GTF2E2: variants seen among roughly 807,000 people sequenced by gnomAD.
GTF2E2 encodes the protein transcription initiation factor IIE subunit beta.
GTF2E2 carries 21 observed loss-of-function variants against 40.5 expected under a neutral mutation model. The observed-to-expected ratio is 0.52, with a 90% confidence interval of 0.37 to 0.75. GTF2E2 has a LOEUF of 0.75. GTF2E2 is among the 30% of genes least tolerant of loss of function. GTF2E2 has a pLI of 0.00. For synonymous variants in GTF2E2, 117 were observed against 121.6 expected (o/e 0.96, Z 0.25); for missense variants, 298 against 338.4 (o/e 0.88, Z 0.94).
At chr8:30,620,462 GA>G (rs1459968676) in intron 3 of GTF2E2, among the ~76,000 whole-genome samples, 1 of 152,008 alleles carries the variant, frequency 6.6e-6, no homozygotes, top group Non-Finnish European at 1.5e-5. Context: ...CTTTCAGTCA[GA>G]AAAAGAGCTT....
At chr8:30,626,355 C>T (rs947825111) in intron 3 of GTF2E2, among the ~76,000 whole-genome samples, 2 of 152,100 alleles carry the variant, frequency 1.3e-5, no homozygotes, top group African/African-American at 4.8e-5. Context: ...CGTGGTGGCA[C>T]ACGCCTGTAG....
chr8:30,591,921 A>AT (rs879562381), intron 6 of GTF2E2, among the ~76,000 whole-genome samples: 1,761 of 149,020 alleles, frequency 0.012, 34 homozygotes, highest in African/African-American at 0.039. Context: ...ATACAATAGA[A>AT]TTTTTTTTTT....
At chr8:30,617,908 C>T (rs571199083) in intron 3 of GTF2E2, among the ~76,000 whole-genome samples, 14 of 152,292 alleles carry the variant, frequency 9.2e-5, no homozygotes, top group African/African-American at 2.2e-4. Context: ...TGGTCTCCTA[C>T]GTGGGGTGTA....
intron 3 of GTF2E2, among the ~76,000 whole-genome samples, chr8:30,623,933 T>A (rs1394894546): frequency 6.6e-6 from 1 of 151,862 alleles, no homozygotes; most frequent in African/African-American, 2.4e-5. Context: ...ATGAGTAGAT[T>A]GGAAAAATTT....
Position 30,578,918 on chromosome 8 carries a change from T to TC in GTF2E2, c.*2dup. 1 of 1,405,708 alleles carries TC rather than the reference T, an allele frequency of 7.1e-7. No individual in the cohort carries two copies. The highest frequency in any genetic ancestry group is 1.0e-6 in the Non-Finnish European group (1 of 989,586). 87.1% of individuals were successfully genotyped at this position (1,405,708 alleles called of 1,614,324 possible). A position where few individuals can be genotyped will look rare whatever the true frequency, so the allele number is the denominator to read the frequency against. Reference sequence around the variant, plus strand: ...TAACTCTGTTCCAGGGCAAAACTGTTCCCTATTTGCTGGAAGTAATGTCAG... The same window carrying TC: ...TAACTCTGTTCCAGGGCAAAACTGTTCCCCTATTTGCTGGAAGTAATGTCAG... On this transcript the variant is annotated 3_prime_UTR_variant, in exon 8 of 8. Transcript: ENST00000355904.
intron 6 of GTF2E2, among the ~76,000 whole-genome samples, chr8:30,599,228 G>A (rs1014471211): frequency 1.3e-5 from 2 of 151,992 alleles, no homozygotes; most frequent in African/African-American, 4.8e-5. Flanking sequence ...TCAAGAAAAT[G>A]TACACACAGC....
At chr8:30,607,997 T>C (rs919939432) in intron 5 of GTF2E2, among the ~76,000 whole-genome samples, 2 of 152,238 alleles carry the variant, frequency 1.3e-5, no homozygotes, top group African/African-American at 2.4e-5. Context: ...TCAAGAGATA[T>C]AAAAGATTGG....
intron 2 of GTF2E2, among the ~76,000 whole-genome samples, chr8:30,649,064 T>C (rs1347009454): frequency 6.6e-6 from 1 of 152,210 alleles, no homozygotes; most frequent in Admixed American, 6.5e-5. Context: ...TGAGAGTGGC[T>C]ATGTTAATGT....
At chr8:30,652,534 G>A (rs1300476523) in intron 2 of GTF2E2, among the ~76,000 whole-genome samples, 2 of 143,906 alleles carry the variant, frequency 1.4e-5, no homozygotes, top group Non-Finnish European at 3.1e-5. Flanking sequence ...CACAACTATA[G>A]AAATAGCTAT....
At chr8:30,600,349 T>C (rs531763606) in intron 6 of GTF2E2, among the ~76,000 whole-genome samples, 56 of 152,358 alleles carry the variant, frequency 3.7e-4, no homozygotes, top group Non-Finnish European at 5.1e-4. Flanking sequence ...TGGGTACTAT[T>C]TTATTTTTCC....
intron 6 of GTF2E2, among the ~76,000 whole-genome samples, chr8:30,595,499 T>A (rs1828974304): frequency 6.6e-6 from 1 of 152,186 alleles, no homozygotes; most frequent in South Asian, 2.1e-4. Context: ...TCTCTCCATT[T>A]CTGTTTCTCT....
intron 6 of GTF2E2, among the ~76,000 whole-genome samples, chr8:30,590,849 C>T (rs923681733): frequency 2.0e-5 from 3 of 151,964 alleles, no homozygotes; most frequent in Admixed American, 1.3e-4. Flanking sequence ...GACCACCATG[C>T]CCAGCTGATT....
chr8:30,624,782 T>C (rs895960910), intron 3 of GTF2E2, among the ~76,000 whole-genome samples: 1 of 152,166 alleles, frequency 6.6e-6, no homozygotes, highest in African/African-American at 2.4e-5. Context: ...CAATTGTGAA[T>C]GGGAGTTCAC....
chr8:30,651,810 C>T (rs1802287415), intron 2 of GTF2E2, among the ~76,000 whole-genome samples: 1 of 152,198 alleles, frequency 6.6e-6, no homozygotes, highest in Admixed American at 6.5e-5. Context: ...TTACATTTCT[C>T]AGTCTCAAAC....
intron 6 of GTF2E2, among the ~76,000 whole-genome samples, chr8:30,604,956 G>A (rs1829280408): frequency 1.3e-5 from 2 of 152,160 alleles, no homozygotes; most frequent in Non-Finnish European, 2.9e-5. Context: ...CACAGAAAGA[G>A]CACACAAGGG....
Position 30,624,069 on chromosome 8 carries a change from G to C in GTF2E2, c.259-9354C>G, listed in dbSNP as rs529627157. ...CGTTGCCATTGCTTTTGGTGTTTTA[G>C]ACATGAAGTCCTTGCCCATGCCTAT... On this transcript the variant is annotated intron_variant, in intron 3 of 7. Transcript: ENST00000355904. 4.0e-4 allele frequency among the ~76,000 whole-genome samples: 61 copies of C among 152,186 alleles called. 2 individuals are homozygous for C. The highest frequency in any genetic ancestry group is 1.4e-3 in the African/African-American group (60 of 41,460).
chr8:30,580,479 T>C (rs1418610848), intron 6 of GTF2E2, 83 bp from the exon 7 acceptor site: 2 of 790,982 alleles, frequency 2.5e-6, no homozygotes, highest in Non-Finnish European at 4.4e-6. Flanking sequence ...TTCAGTGTTA[T>C]CTCCTCTGGA....
At chr8:30,630,526 G>A (rs1055766678) in intron 3 of GTF2E2, among the ~76,000 whole-genome samples, 15 of 152,240 alleles carry the variant, frequency 9.9e-5, no homozygotes, top group African/African-American at 3.4e-4. Context: ...ACAAAAGACA[G>A]TGGGAGACTT....
At chr8:30,633,770 A>G (rs1157875081) in intron 3 of GTF2E2, among the ~76,000 whole-genome samples, 1 of 152,314 alleles carries the variant, frequency 6.6e-6, no homozygotes, top group African/African-American at 2.4e-5. Context: ...ATAGATTTTC[A>G]TAACTGCTTA....
Sources: allele counts gnomAD v4.1 joint callset (sites outside exome capture counted in the v4.1 genomes callset), GRCh38; gene constraint gnomAD v4.1.1; transcripts MANE v1.5; gene names NCBI Gene and HGNC (gene_info 2026-07-23, HGNC 2026-07-21).